The following RANBP2 variants were observed in gnomAD, a reference collection of about 807,000 sequenced individuals.
RANBP2 encodes the protein RAN binding protein 2, also known as E3 SUMO-protein ligase RanBP2.
In RANBP2, 57 loss-of-function variants were observed where a neutral mutation model predicts 303.6. That is an observed-to-expected ratio of 0.19 (90% CI 0.15 to 0.23). The LOEUF is 0.23. Among genes scored for constraint, RANBP2 ranks in the 10% least tolerant of loss-of-function variants. The probability of loss-of-function intolerance (pLI) is 1.00; values close to 1 mark genes in which losing one functional copy is unlikely to be tolerated. For synonymous variants in RANBP2, 1,167 were observed against 1,301.5 expected, an observed-to-expected ratio of 0.90 and a Z score of 2.23; for missense variants, 3,138 against 3,780.8, an observed-to-expected ratio of 0.83 and a Z score of 4.46.
chr2:109,032,590 GT>G, the RANBP2 span, among the ~76,000 whole-genome samples: 1 of 151,730 alleles, frequency 6.6e-6, no homozygotes. Context: ...TCCCCATGGG[GT>G]GGGGTGGGGG....
chr2:109,660,159 C>T, the RANBP2 span, among the ~76,000 whole-genome samples: 3 of 152,180 alleles, frequency 2.0e-5, no homozygotes, highest in African/African-American at 2.4e-5. Flanking sequence ...AAAAATGGAA[C>T]GTTCCTCTGA....
At chr2:109,327,632 G>A in the RANBP2 span, among the ~76,000 whole-genome samples, 1 of 152,036 alleles carries the variant, frequency 6.6e-6, no homozygotes, top group Non-Finnish European at 1.5e-5. Context: ...AATTTATTTA[G>A]GCCATCTTTA....
At chr2:109,113,287 G>A in the RANBP2 span, among the ~76,000 whole-genome samples, 818 of 152,186 alleles carry the variant, frequency 5.4e-3, 13 homozygotes, top group Middle Eastern at 0.054. Context: ...TCTTCCATTT[G>A]TTTGTATCCT....
the RANBP2 span, among the ~76,000 whole-genome samples, chr2:109,491,555 G>A: frequency 6.6e-6 from 1 of 152,152 alleles, no homozygotes; most frequent in Non-Finnish European, 1.5e-5. Flanking sequence ...GTCTGGTTGA[G>A]GCAACATGGC....
the RANBP2 span, among the ~76,000 whole-genome samples, chr2:109,761,260 TTC>T: frequency 6.8e-6 from 1 of 147,824 alleles, no homozygotes; most frequent in Non-Finnish European, 1.5e-5. Flanking sequence ...GCTGCATCCT[TTC>T]TGTCTCTCCC....
chr2:109,474,969 TTTTGTTTG>T, the RANBP2 span, among the ~76,000 whole-genome samples: 6 of 152,048 alleles, frequency 3.9e-5, no homozygotes, highest in South Asian at 1.2e-3. Flanking sequence ...TTTGGGTTTT[TTTTGTTTG>T]TTTGTTTGTT....
the RANBP2 span, among the ~76,000 whole-genome samples, chr2:108,943,524 A>G: frequency 5.9e-5 from 9 of 152,194 alleles, no homozygotes; most frequent in African/African-American, 2.2e-4. Flanking sequence ...TTTTTGAAAA[A>G]GAGATTGCTG....
the RANBP2 span, among the ~76,000 whole-genome samples, chr2:109,645,377 C>G: frequency 1.3e-5 from 2 of 152,246 alleles, no homozygotes; most frequent in Non-Finnish European, 2.9e-5. Context: ...GGCCAAATCC[C>G]TGATGAGAGA....
chr2:109,502,923 G>A, the RANBP2 span: 2 of 152,356 alleles, frequency 1.3e-5, no homozygotes, highest in South Asian at 4.1e-4. Context: ...TTCAGGCAGT[G>A]CAAACCTTCA....
the RANBP2 span, among the ~76,000 whole-genome samples, chr2:109,374,142 C>T: frequency 2.6e-5 from 4 of 152,192 alleles, no homozygotes; most frequent in African/African-American, 7.2e-5. Flanking sequence ...TGCCTCCACT[C>T]TTGGGCACAG....
At chr2:108,844,114 G>A in the RANBP2 span, among the ~76,000 whole-genome samples, 1 of 151,706 alleles carries the variant, frequency 6.6e-6, no homozygotes, top group Non-Finnish European at 1.5e-5. Context: ...TTCCATCTTG[G>A]CCTCCCAAAG....
chr2:109,627,392 TCAC>T, the RANBP2 span, among the ~76,000 whole-genome samples: 1 of 152,142 alleles, frequency 6.6e-6, no homozygotes, highest in Non-Finnish European at 1.5e-5. Context: ...AGATGGGGTT[TCAC>T]CATGTTGGCC....
chr2:109,466,930 C>T, the RANBP2 span, among the ~76,000 whole-genome samples: 1 of 150,944 alleles, frequency 6.6e-6, no homozygotes, highest in Non-Finnish European at 1.5e-5. Context: ...TGTATGTATG[C>T]ATGTATGTGT....
chr2:109,591,670 A>G, the RANBP2 span, among the ~76,000 whole-genome samples: 5 of 151,988 alleles, frequency 3.3e-5, no homozygotes, highest in African/African-American at 1.2e-4. Context: ...GCGGAGGCAG[A>G]TGGATCACTT....
the RANBP2 span, among the ~76,000 whole-genome samples, chr2:109,735,035 T>G: frequency 6.6e-6 from 1 of 152,212 alleles, no homozygotes; most frequent in Non-Finnish European, 1.5e-5. Context: ...CTGTTCTAGC[T>G]ATTAAAAATA....
the RANBP2 span, chr2:109,665,364 A>AGC: frequency 8.9e-4 from 8 of 9,016 alleles, 1 homozygote; most frequent in East Asian, 4.3e-3. Context: ...TTTTTTTTGA[A>AGC]ACAGTTTCGC....
chr2:109,508,250 C>A, the RANBP2 span, among the ~76,000 whole-genome samples: 2 of 152,186 alleles, frequency 1.3e-5, no homozygotes, highest in Admixed American at 6.5e-5. Flanking sequence ...CCTGACTCAG[C>A]CATTTTGGAC....
chr2:109,125,286 C>A, the RANBP2 span, among the ~76,000 whole-genome samples: 1 of 152,224 alleles, frequency 6.6e-6, no homozygotes, highest in Non-Finnish European at 1.5e-5. Context: ...CACATTCCCA[C>A]ACCTTAGCAG....
chr2:109,382,642 A>G, the RANBP2 span, among the ~76,000 whole-genome samples: 2 of 152,184 alleles, frequency 1.3e-5, no homozygotes, highest in Admixed American at 1.3e-4. Context: ...ACATCTTCAA[A>G]TCCTTCTGGT....
Sources: gnomAD v4.1 joint callset for allele counts (sites outside exome capture counted in the v4.1 genomes callset) on GRCh38, gnomAD v4.1.1 for gene constraint, MANE v1.5 for transcripts, NCBI Gene and HGNC (gene_info 2026-07-23, HGNC 2026-07-21) for gene names.